Variants in RADX observed in about 807,000 individuals in gnomAD.
RADX encodes RPA1 related single stranded DNA binding protein, X-linked.
Under a neutral mutation model 61.6 loss-of-function variants are expected in RADX, and 36 were observed. That is an observed-to-expected ratio of 0.58 (90% CI 0.45 to 0.77). The LOEUF (loss-of-function observed/expected upper bound fraction) is 0.77. Ranked by LOEUF, RADX falls within the 30% of genes least tolerant of loss-of-function variation. RADX has a pLI of 0.00. For missense variants in RADX, 497 were observed against 651.1 expected (o/e 0.76, Z 2.58); for synonymous variants, 272 against 237.9 (o/e 1.14, Z -1.32).
At chrX:106,674,998 T>TG (rs1928471618) in intron 13 of RADX, among the ~76,000 whole-genome samples, 1 of 103,652 alleles carries the variant, frequency 9.6e-6, no homozygotes, top group African/African-American at 3.7e-5. Context: ...CACTCCAGCC[T>TG]GGCAACAGAG....
At chrX:106,652,140 C>T (rs1416454297) in intron 11 of RADX, among the ~76,000 whole-genome samples, 1 of 111,118 alleles carries the variant, frequency 9.0e-6, no homozygotes, top group African/African-American at 3.3e-5. Context: ...AATCCAGTTA[C>T]ATGCTACATA....
chrX:106,675,818 C>T (rs984491178), intron 13 of RADX, among the ~76,000 whole-genome samples: 13 of 111,934 alleles, frequency 1.2e-4, no homozygotes, highest in African/African-American at 3.9e-4. Flanking sequence ...GATATAAATA[C>T]TATCCTAATT....
At chrX:106,620,301 T>G (rs2147611582) in intron 1 of RADX, among the ~76,000 whole-genome samples, 1 of 111,971 alleles carries the variant, frequency 8.9e-6, no homozygotes, top group African/African-American at 3.3e-5. Flanking sequence ...TATTTATAAT[T>G]ATACATATCA....
intron 6 of RADX, among the ~76,000 whole-genome samples, chrX:106,634,820 T>G (rs923294716): frequency 4.5e-5 from 5 of 112,273 alleles, no homozygotes; most frequent in African/African-American, 1.6e-4. Flanking sequence ...GCTTCCTTTT[T>G]GTTTGTTTGT....
chrX:106,615,914 T>G (rs1926790698), intron 1 of RADX, among the ~76,000 whole-genome samples: 1 of 111,915 alleles, frequency 8.9e-6, no homozygotes, highest in South Asian at 3.7e-4. Context: ...TTATTTTTGT[T>G]TTTTGCAGGG....
intron 10 of RADX, 56 bp downstream of exon 10, chrX:106,640,777 T>A: frequency 1.2e-6 from 1 of 818,397 alleles, no homozygotes; most frequent in South Asian, 3.8e-5. Flanking sequence ...GGGTTATCTC[T>A]ACCCTGTAAA....
rs1380728742 is a variant in RADX, at chrX:106,637,921, A to G, written c.1570A>G (p.Lys524Glu). The change falls in exon 8 of 14, where the codon AAA (lysine) becomes GAA (glutamate). Residue 524 changes from lysine (K) to glutamate (E), a missense_variant. Transcript: ENST00000372548. ...ETFSKYSSSI[K>E]VESLLTAISE... ...ATTTTCCAAGTATAGTAGTTCTATTAAAGGTACTAATGTAATTGCCAGTCC... is the reference window on the plus strand; with the variant it reads ...ATTTTCCAAGTATAGTAGTTCTATTGAAGGTACTAATGTAATTGCCAGTCC... 8.4e-7 allele frequency: 1 copy of G among 1,193,301 alleles called. No homozygotes were observed. Among genetic ancestry groups the G allele is most frequent in the African/African-American group, 1.8e-5 (1 of 56,803 alleles).
chrX:106,665,184 A>G (rs1369266559), intron 12 of RADX, among the ~76,000 whole-genome samples: 1 of 111,988 alleles, frequency 8.9e-6, no homozygotes, highest in Non-Finnish European at 1.9e-5. Flanking sequence ...TTACTGTGCT[A>G]TTTGTTGAAA....
chrX:106,643,791 A>G (rs147096362), intron 10 of RADX, among the ~76,000 whole-genome samples: 2,321 of 111,123 alleles, frequency 0.021, 26 homozygotes, highest in Non-Finnish European at 0.033. Flanking sequence ...AAATTTTAGG[A>G]TTGTTTTTTC....
chrX:106,676,928 A>C (rs1009880147), intron 13 of RADX, among the ~76,000 whole-genome samples: 3 of 111,416 alleles, frequency 2.7e-5, no homozygotes, highest in East Asian at 2.8e-4. Context: ...GGAGTTTTTA[A>C]AGCCCACTTT....
At position 106,662,050 on chromosome X, in the gene RADX, G is replaced by A. The variant is rs1303063712; in HGVS notation, c.2014G>A (p.Ala672Thr). 8.3e-7 allele frequency: 1 copy of A among 1,210,519 alleles called. No individual in the cohort carries two copies. The highest frequency in any genetic ancestry group is 1.1e-6 in the Non-Finnish European group (1 of 894,940). ...TATAAATGCTAATCTGCAAGGGAAA[G>A]CCAGAAAAACTATAAGTGATAGGTG... is the stretch of plus-strand genomic sequence containing the variant. ...ANINANLQGK[A>T]RKTISDRWES... The change falls in exon 12 of 14, where the codon GCC (alanine) becomes ACC (threonine). Residue 672 changes from alanine (A) to threonine (T), a missense_variant. Coordinates refer to ENST00000372548, the MANE Select transcript of RADX (RefSeq NM_018015.6).
chrX:106,674,283 C>T (rs1355432282), intron 13 of RADX, among the ~76,000 whole-genome samples: 1 of 111,479 alleles, frequency 9.0e-6, no homozygotes, highest in East Asian at 2.8e-4. Context: ...AACTTGATCT[C>T]ATTTCCTTTG....
chrX:106,614,433 T>C (rs1926751592), intron 1 of RADX, among the ~76,000 whole-genome samples: 1 of 112,130 alleles, frequency 8.9e-6, no homozygotes, highest in Admixed American at 9.4e-5. Context: ...TTTAGGCACT[T>C]ATTAGTGTTT....
chrX:106,672,394 A>T (rs1928387373), intron 13 of RADX, among the ~76,000 whole-genome samples: 2 of 111,290 alleles, frequency 1.8e-5, no homozygotes, highest in Non-Finnish European at 3.8e-5. Flanking sequence ...TGGCTGAGTG[A>T]TGGTCTTGGA....
chrX:106,674,896 C>T (rs763711433), intron 13 of RADX, among the ~76,000 whole-genome samples: 5 of 109,711 alleles, frequency 4.6e-5, no homozygotes, highest in East Asian at 2.9e-4. Flanking sequence ...TGGTGGTGCA[C>T]GCCTGTAGTC....
chrX:106,619,184 T>A, intron 1 of RADX, among the ~76,000 whole-genome samples: 1 of 111,344 alleles, frequency 9.0e-6, no homozygotes, highest in South Asian at 3.8e-4. Flanking sequence ...TAGATATATA[T>A]GGGGTACATG....
intron 12 of RADX, among the ~76,000 whole-genome samples, chrX:106,666,365 T>A (rs1928228923): frequency 8.9e-6 from 1 of 112,127 alleles, no homozygotes; most frequent in African/African-American, 3.2e-5. Context: ...CCTTTCCAAG[T>A]CTCTGAAGGC....
At chrX:106,625,797 T>C (rs1259918200) in intron 3 of RADX, among the ~76,000 whole-genome samples, 4 of 110,472 alleles carry the variant, frequency 3.6e-5, no homozygotes, top group Non-Finnish European at 1.9e-5. Context: ...CACACACACA[T>C]ACACACATAT....
chrX:106,654,966 G>C lies in RADX; in HGVS notation c.1978+6580G>C, dbSNP rs147370491. Among the ~76,000 whole-genome samples the C allele has an allele frequency of 8.9e-5, 10 of 111,749 alleles. No homozygotes were observed. In the East Asian group the frequency reaches 2.8e-3, roughly 32 times the overall value. On this transcript the variant is annotated intron_variant, in intron 11 of 13. Coordinates refer to ENST00000372548, the MANE Select transcript of RADX (RefSeq NM_018015.6). The stretch of plus-strand genomic sequence containing the variant: ...ATCTAAGGAATAGATGAGTCAAAGA[G>C]AAACAATAGAAAAGTAGCAAATTTA...
Sources: allele counts gnomAD v4.1 joint callset (sites outside exome capture counted in the v4.1 genomes callset), GRCh38; gene constraint gnomAD v4.1.1; transcripts MANE v1.5; gene names NCBI Gene and HGNC (gene_info 2026-07-23, HGNC 2026-07-21).